Variants in RPTOR observed in about 807,000 individuals in gnomAD.
RPTOR encodes the protein regulatory-associated protein of mTOR.
A neutral mutation model predicts 169.9 loss-of-function variants in RPTOR; 21 were observed. The observed-to-expected ratio is 0.12, with a 90% CI of 0.09 to 0.18. RPTOR has a LOEUF of 0.18. RPTOR is among the 10% of genes least tolerant of loss of function. RPTOR has a pLI of 1.00. For missense variants in RPTOR, 1,133 were observed against 1,855.9 expected, an observed-to-expected ratio of 0.61 and a Z score of 7.16; for synonymous variants, 732 against 753.2, an observed-to-expected ratio of 0.97 and a Z score of 0.46.
intron 3 of RPTOR, among the ~76,000 whole-genome samples, chr17:80,650,490 T>C (rs2065631746): frequency 6.6e-6 from 1 of 152,202 alleles, no homozygotes; most frequent in Non-Finnish European, 1.5e-5. Context: ...TGGTCTCCTT[T>C]CTACCAGTGC....
rs60377045 is a variant in RPTOR at position 80,843,621 on chromosome 17, G to C, written c.1213-2852G>C. On this transcript the variant is annotated intron_variant, in intron 10 of 33. Coordinates refer to ENST00000306801, the MANE Select transcript of RPTOR (RefSeq NM_020761.3). Reference sequence around the variant, plus strand: ...GAATGTCCCTACAGAGCCGTACAGAGGGGTAGAATGTCCCCTTGGCAGTGA... The same window carrying C: ...GAATGTCCCTACAGAGCCGTACAGACGGGTAGAATGTCCCCTTGGCAGTGA... 1.5e-3 allele frequency among the ~76,000 whole-genome samples: 227 copies of C among 152,168 alleles called. 1 individual carries two copies. The highest frequency in any genetic ancestry group is 5.4e-3 in the African/African-American group (222 of 41,484).
rs1025652081 is a variant in RPTOR at position 80,726,102 on chromosome 17, G to A, written c.508-4458G>A. Among the ~76,000 whole-genome samples, 8 of 152,140 alleles carry A rather than the reference G, an allele frequency of 5.3e-5. No individual in the cohort carries two copies. Among genetic ancestry groups the A allele is most frequent in the African/African-American group, 1.7e-4 (7 of 41,440 alleles). ...CCTGGTGCTGAGAGGGACAGACGCC[G>A]CTCACAGAGAAGCGACCACAGAGGC... On this transcript the variant is annotated intron_variant, in intron 4 of 33. Coordinates refer to ENST00000306801, the MANE Select transcript of RPTOR (RefSeq NM_020761.3). This position sits in a 1 kb window ranked among gnomAD's most constrained non-coding sequence, Gnocchi z 4.5.
At chr17:80,868,523 G>C (rs1473120802) in intron 13 of RPTOR, among the ~76,000 whole-genome samples, 1 of 152,250 alleles carries the variant, frequency 6.6e-6, no homozygotes, top group Non-Finnish European at 1.5e-5. Context: ...GTATGCTGCT[G>C]AGGGCAGTGC....
intron 5 of RPTOR, among the ~76,000 whole-genome samples, chr17:80,753,734 G>A (rs2066653028): frequency 6.6e-6 from 1 of 151,842 alleles, no homozygotes; most frequent in Non-Finnish European, 1.5e-5. Flanking sequence ...GTAGGGTCCT[G>A]CAAAGAGGAA....
chr17:80,578,836 G>C (rs376101778), intron 1 of RPTOR, among the ~76,000 whole-genome samples: 3 of 152,222 alleles, frequency 2.0e-5, no homozygotes, highest in African/African-American at 7.2e-5. Context: ...TAAGTGCACA[G>C]TGCAGGGGCC....
At chr17:80,864,421 C>T (rs75758299) in intron 13 of RPTOR, among the ~76,000 whole-genome samples, 3 of 141,382 alleles carry the variant, frequency 2.1e-5, no homozygotes, top group East Asian at 4.0e-4. Flanking sequence ...AAAAGGTGAG[C>T]GTGATGGCAG....
At chr17:80,811,381 G>A (rs781393460) in intron 7 of RPTOR, among the ~76,000 whole-genome samples, 14 of 152,182 alleles carry the variant, frequency 9.2e-5, no homozygotes, top group Non-Finnish European at 1.8e-4. Context: ...TGCATCACAT[G>A]AATGATGTTC....
intron 6 of RPTOR, among the ~76,000 whole-genome samples, chr17:80,781,763 G>T (rs776569786): frequency 2.0e-5 from 3 of 152,258 alleles, no homozygotes; most frequent in Admixed American, 6.5e-5. Context: ...GAAGGCAAGA[G>T]AAATTAATGT....
intron 13 of RPTOR, among the ~76,000 whole-genome samples, chr17:80,864,030 A>G (rs1391018208): frequency 5.3e-5 from 8 of 152,260 alleles, no homozygotes; most frequent in Admixed American, 3.3e-4. Context: ...ACGGCAAGTG[A>G]CATAACGTAC....
At chr17:80,652,906 C>G (rs552500078) in intron 3 of RPTOR, among the ~76,000 whole-genome samples, 12 of 152,276 alleles carry the variant, frequency 7.9e-5, no homozygotes, top group Non-Finnish European at 1.5e-4. Context: ...TTGTCACTTT[C>G]TGTATTCTTA....
intron 2 of RPTOR, among the ~76,000 whole-genome samples, chr17:80,641,779 C>G (rs542057522): frequency 2.0e-5 from 3 of 152,196 alleles, no homozygotes; most frequent in Non-Finnish European, 4.4e-5. Context: ...ACGGAGGGTC[C>G]TGCCTCATGT....
Position 80,957,920 on chromosome 17 carries a change from T to C in RPTOR, c.3477+190T>C, listed in dbSNP as rs548347285. ...GCTCCCTGAGGCCTCTGGATGAAGGTGAACTGCAACACCCAGCCCTGCGCT... is the reference window on the plus strand; with the variant it reads ...GCTCCCTGAGGCCTCTGGATGAAGGCGAACTGCAACACCCAGCCCTGCGCT... On this transcript the variant is annotated intron_variant, in intron 29 of 33. Transcript: ENST00000306801. This position sits in a 1 kb window ranked among gnomAD's most constrained non-coding sequence, Gnocchi z 4.6. Among the ~76,000 whole-genome samples the C allele has an allele frequency of 1.2e-4, 19 of 152,246 alleles. No individual in the cohort carries two copies. Among genetic ancestry groups the C allele is most frequent in the African/African-American group, 4.6e-4 (19 of 41,540 alleles).
intron 13 of RPTOR, among the ~76,000 whole-genome samples, chr17:80,867,598 A>G (rs980988123): frequency 1.3e-5 from 2 of 152,172 alleles, no homozygotes; most frequent in Non-Finnish European, 2.9e-5. Context: ...GTATTTTCAG[A>G]CAGCATGATT....
chr17:80,841,198 C>T (rs1473832929), intron 10 of RPTOR, among the ~76,000 whole-genome samples: 1 of 119,920 alleles, frequency 8.3e-6, no homozygotes, highest in Non-Finnish European at 1.7e-5. Context: ...ACTCACCGCA[C>T]GGCAGCTCAC....
intron 7 of RPTOR, among the ~76,000 whole-genome samples, chr17:80,815,575 G>A (rs2067314115): frequency 6.6e-6 from 1 of 152,268 alleles, no homozygotes; most frequent in Non-Finnish European, 1.5e-5. Context: ...CCTGTGGACT[G>A]TGGAGATCAC....
intron 1 of RPTOR, among the ~76,000 whole-genome samples, chr17:80,560,535 G>T (rs1269601924): frequency 6.6e-6 from 1 of 152,138 alleles, no homozygotes; most frequent in Non-Finnish European, 1.5e-5. Flanking sequence ...AGGCCTTCTG[G>T]AGGTGGGAGC....
rs987913634 is a variant in RPTOR, at chr17:80,828,390, T to C, written c.1136+5167T>C. ...CACCTACAGAACAGAGCCCTGGGGT[T>C]TTCCCTCCAGCTGGACATGAGAAGC... On this transcript the variant is annotated intron_variant, in intron 9 of 33. Transcript: ENST00000306801. Among the ~76,000 whole-genome samples the C allele has an allele frequency of 2.4e-4, 37 of 152,150 alleles. 1 individual carries two copies.
intron 20 of RPTOR, among the ~76,000 whole-genome samples, chr17:80,900,529 T>C (rs1216921118): frequency 6.6e-6 from 1 of 152,228 alleles, no homozygotes. Flanking sequence ...TTGGTCAGGC[T>C]GGTCTCGAAC....
chr17:80,940,268 A>G (rs775175343), intron 24 of RPTOR: 11 of 423,580 alleles, frequency 2.6e-5, no homozygotes, highest in African/African-American at 4.1e-5. Flanking sequence ...CATAGCAGCT[A>G]TTTACACAGC....
Sources: gnomAD v4.1 joint callset for allele counts (sites outside exome capture counted in the v4.1 genomes callset) on GRCh38, gnomAD v4.1.1 for gene constraint, Gnocchi (gnomAD v3.1) non-coding constraint, MANE v1.5 for transcripts, NCBI Gene and HGNC (gene_info 2026-07-23, HGNC 2026-07-21) for gene names.